The following RBM11 variants were observed in gnomAD, a reference collection of about 807,000 sequenced individuals.
RBM11 encodes the protein splicing regulator RBM11.
In RBM11, 18 loss-of-function variants were observed where a neutral mutation model predicts 21.4. The observed-to-expected ratio is 0.84, with a 90% CI of 0.58 to 1.25. The LOEUF is 1.25. Among genes scored for constraint, RBM11 ranks in the 50% most tolerant of loss-of-function variants. The pLI is 0.00. For synonymous variants in RBM11, 120 were observed against 116.3 expected (o/e 1.03, Z -0.20); for missense variants, 294 against 331.9 (o/e 0.89, Z 0.89).
intron 4 of RBM11, 111 bp downstream of exon 4, chr21:14,224,648 G>A (rs989695884): frequency 2.5e-5 from 35 of 1,404,376 alleles, no homozygotes; most frequent in Middle Eastern, 5.3e-4. Flanking sequence ...GAAGGCACAA[G>A]ATGTCCCAGC....
intron 3 of RBM11, among the ~76,000 whole-genome samples, chr21:14,221,655 T>C (rs1182972760): frequency 1.3e-5 from 2 of 152,176 alleles, no homozygotes; most frequent in Non-Finnish European, 2.9e-5. Context: ...TAGAATTTTG[T>C]ATAGCCTGAT....
chr21:14,220,448 GT>G (rs1978573030), intron 2 of RBM11, among the ~76,000 whole-genome samples: 1 of 152,052 alleles, frequency 6.6e-6, no homozygotes, highest in Admixed American at 6.6e-5. Context: ...TCACTTGTCG[GT>G]TTTTAAATTC....
intron 1 of RBM11, among the ~76,000 whole-genome samples, chr21:14,216,677 T>G (rs996061292): frequency 6.6e-6 from 1 of 152,206 alleles, no homozygotes; most frequent in South Asian, 2.1e-4. Flanking sequence ...TGTTTCCTTT[T>G]ACACCTTGCT....
chr21:14,217,198 A>G (rs2020465053), intron 1 of RBM11, among the ~76,000 whole-genome samples: 1 of 152,194 alleles, frequency 6.6e-6, no homozygotes, highest in Non-Finnish European at 1.5e-5. Flanking sequence ...TTATATGTCA[A>G]AAGAGAGTAG....
rs566529596 is a variant in RBM11 at position 14,221,694 on chromosome 21, C to T, written c.332+525C>T. 5.9e-5 allele frequency among the ~76,000 whole-genome samples: 9 copies of T among 152,320 alleles called. No individual in the cohort carries two copies. In the East Asian group the frequency reaches 1.3e-3, roughly 23 times the overall value. On this transcript the variant is annotated intron_variant, in intron 3 of 4. Coordinates refer to ENST00000400577, the MANE Select transcript of RBM11 (RefSeq NM_144770.5). ...TTGATGCAATGGTAGCCTCCACATA[C>T]ACTCTCTGGCAGGCTATCCCAGAGG...
At chr21:14,226,825 T>C in intron 4 of RBM11, 55 bp from the exon 5 acceptor site, 1 of 1,548,632 alleles carries the variant, frequency 6.5e-7, no homozygotes, top group South Asian at 1.3e-5. Context: ...ACTGTTAATT[T>C]TTTTTCCTTA....
chr21:14,227,323 T>C lies in RBM11; in HGVS notation c.*30T>C. On this transcript the variant is annotated 3_prime_UTR_variant, in exon 5 of 5. Coordinates refer to ENST00000400577, the MANE Select transcript of RBM11 (RefSeq NM_144770.5). ...ACCTACAAATGAAACTTACCTACAC[T>C]GATCTTAGTTCTCTTATGAAAAAAA... The C allele has an allele frequency of 6.5e-7, 1 of 1,549,482 alleles. No individual in the cohort carries two copies. The highest frequency in any genetic ancestry group is 1.3e-5 in the South Asian group (1 of 79,596).
intron 3 of RBM11, among the ~76,000 whole-genome samples, chr21:14,221,729 T>C (rs555492410): frequency 1.3e-5 from 2 of 152,296 alleles, no homozygotes; most frequent in Non-Finnish European, 2.9e-5. Context: ...GTCATGAAAC[T>C]AAAAGGCTCC....
At chr21:14,220,033 G>T (rs923856258) in intron 2 of RBM11, among the ~76,000 whole-genome samples, 7 of 152,040 alleles carry the variant, frequency 4.6e-5, no homozygotes, top group African/African-American at 1.5e-4. Flanking sequence ...AATGAACTGG[G>T]GTCACACAAC....
chr21:14,222,252 A>G (rs569276746), intron 3 of RBM11, among the ~76,000 whole-genome samples: 19 of 152,086 alleles, frequency 1.2e-4, no homozygotes, highest in Middle Eastern at 3.2e-3. Context: ...AGAGGAGAGG[A>G]ATAGATATAC....
intron 2 of RBM11, 47 bp downstream of exon 2, chr21:14,219,772 C>G (rs1338235221): frequency 1.4e-6 from 2 of 1,474,478 alleles, no homozygotes; most frequent in Middle Eastern, 1.8e-4. Context: ...GTGGTTGGTA[C>G]TATTCTCAGA....
At chr21:14,226,715 C>T in intron 4 of RBM11, 165 bp from the exon 5 acceptor site, 1 of 849,756 alleles carries the variant, frequency 1.2e-6, no homozygotes, top group South Asian at 1.8e-5. Flanking sequence ...TTATATTGAC[C>T]CTTTAATGAA....
intron 3 of RBM11, among the ~76,000 whole-genome samples, chr21:14,223,335 A>C (rs1267705779): frequency 1.3e-5 from 2 of 152,146 alleles, no homozygotes; most frequent in Non-Finnish European, 1.5e-5. Flanking sequence ...ATGGATTTTT[A>C]TGCTTCTTGT....
chr21:14,224,633 G>T (rs910354396), intron 4 of RBM11, 96 bp downstream of exon 4: 25 of 1,439,654 alleles, frequency 1.7e-5, no homozygotes, highest in Non-Finnish European at 2.2e-5. Context: ...AATCTAAACT[G>T]GGATGAAGGC....
At chr21:14,221,720 T>G (rs1978677053) in intron 3 of RBM11, among the ~76,000 whole-genome samples, 1 of 152,164 alleles carries the variant, frequency 6.6e-6, no homozygotes. Context: ...ATCCCAGAGG[T>G]CATGAAACTA....
chr21:14,228,004 C>T lies in RBM11; in HGVS notation c.*711C>T, dbSNP rs564187951. 6.6e-6 allele frequency: 1 copy of T among 152,212 alleles called. No individual in the cohort carries two copies. The highest frequency in any genetic ancestry group is 2.4e-5 in the African/African-American group (1 of 41,550). The allele number at this position is 152,212 out of a possible 1,614,324, so 9.4% of individuals were successfully genotyped here. On this transcript the variant is annotated 3_prime_UTR_variant, in exon 5 of 5. Coordinates refer to ENST00000400577, the MANE Select transcript of RBM11 (RefSeq NM_144770.5). ...TGGCTATGTCAGTGTGTATTATTCA[C>T]CTCTTTTGCTAGCAAGGTTTGAGAT... is the stretch of plus-strand genomic sequence containing the variant.
At position 14,227,530 on chromosome 21, in the gene RBM11, A is replaced by G. The variant is rs1478488273; in HGVS notation, c.*237A>G. On this transcript the variant is annotated 3_prime_UTR_variant, in exon 5 of 5. Transcript: ENST00000400577. ...GATATTTTTGACCCATTGGCAACAA[A>G]TAGACTATTGTCATTTTATTAGTAC... 1.9e-5 allele frequency: 9 copies of G among 479,150 alleles called. No homozygotes were observed. The highest frequency in any genetic ancestry group is 3.3e-5 in the Non-Finnish European group (9 of 274,704). 29.7% of individuals were successfully genotyped at this position (479,150 alleles called of 1,614,324 possible). A position where few individuals can be genotyped will look rare whatever the true frequency, so the allele number is the denominator to read the frequency against.
In RBM11 at chr21:14,219,597, AC is replaced by A. The variant is rs1568896753; in HGVS notation, c.132del (p.Asp44GlufsTer24). The A allele has an allele frequency of 6.3e-7, 1 of 1,587,488 alleles. No individual in the cohort carries two copies. Among genetic ancestry groups the A allele is most frequent in the South Asian group, 1.1e-5 (1 of 87,980 alleles). ...GPLTKVTICK[D>X]REGKPKSFGF... Reference sequence around the variant, plus strand: ...CTAACCAAAGTGACTATATGCAAAGACAGAGAAGGAAAGCCAAAGTCTTTTG... The same window carrying A: ...CTAACCAAAGTGACTATATGCAAAGAAGAGAAGGAAAGCCAAAGTCTTTTG... On this transcript the variant is annotated frameshift_variant, in exon 2 of 5. Coordinates refer to ENST00000400577, the MANE Select transcript of RBM11 (RefSeq NM_144770.5). LOFTEE classifies it high-confidence loss of function.
intron 1 of RBM11, among the ~76,000 whole-genome samples, chr21:14,217,916 A>C (rs915428666): frequency 2.6e-5 from 4 of 151,918 alleles, no homozygotes; most frequent in African/African-American, 9.7e-5. Flanking sequence ...GATCCACAAG[A>C]CTATATATTA....
Sources: gnomAD v4.1 joint callset for allele counts (sites outside exome capture counted in the v4.1 genomes callset) on GRCh38, gnomAD v4.1.1 for gene constraint, MANE v1.5 for transcripts, NCBI Gene and HGNC (gene_info 2026-07-23, HGNC 2026-07-21) for gene names.